The following OTOGL variants were observed in gnomAD, a reference collection of about 807,000 sequenced individuals.
OTOGL encodes the protein otogelin-like protein.
Under a neutral mutation model 318.5 loss-of-function variants are expected in OTOGL, and 285 were observed. That is an observed-to-expected ratio of 0.89 (90% CI 0.81 to 0.99). The LOEUF is 0.99. OTOGL is among the 50% of genes least tolerant of loss of function. The pLI is 0.00. For missense variants in OTOGL, 2,899 were observed against 2,845.6 expected (o/e 1.02, Z -0.43); for synonymous variants, 987 against 936.5 (o/e 1.05, Z -0.99).
Position 80,283,983 on chromosome 12 carries a change from TC to T in OTOGL, c.2928+4823del, listed in dbSNP as rs138724847. On this transcript the variant is annotated intron_variant, in intron 26 of 58. Coordinates refer to ENST00000547103, the MANE Select transcript of OTOGL (RefSeq NM_001378609.3). ...CATCAACCTGTCATCTAGGTTTTAA[TC>T]CCCCCACACATTAGGTATTTGTCCT... Among the ~76,000 whole-genome samples the T allele has an allele frequency of 1.7e-4, 26 of 151,886 alleles. 1 individual carries two copies. In the South Asian group the frequency reaches 5.4e-3, roughly 32 times the overall value.
intron 1 of OTOGL, among the ~76,000 whole-genome samples, chr12:80,141,184 G>C (rs1021296102): frequency 1.3e-5 from 2 of 152,032 alleles, no homozygotes; most frequent in East Asian, 3.9e-4. Flanking sequence ...AAAGTAGGGT[G>C]GTGGTTTCAA....
At chr12:80,236,347 G>C (rs990204516) in intron 9 of OTOGL, among the ~76,000 whole-genome samples, 2 of 152,080 alleles carry the variant, frequency 1.3e-5, no homozygotes, top group African/African-American at 2.4e-5. Flanking sequence ...ACTCTACTTA[G>C]AGCATATTTT....
chr12:80,137,388 A>G (rs1159269475), intron 1 of OTOGL, among the ~76,000 whole-genome samples: 1 of 152,150 alleles, frequency 6.6e-6, no homozygotes, highest in Non-Finnish European at 1.5e-5. Context: ...AGACATTGGT[A>G]TGGTGTTTCA....
At chr12:80,325,868 ACTT>A (rs1887647131) in intron 35 of OTOGL, among the ~76,000 whole-genome samples, 1 of 152,118 alleles carries the variant, frequency 6.6e-6, no homozygotes, top group Non-Finnish European at 1.5e-5. Flanking sequence ...CTAGTTTATG[ACTT>A]CTTATGGGAT....
chr12:80,185,538 C>T (rs1875229259), intron 1 of OTOGL, among the ~76,000 whole-genome samples: 1 of 152,198 alleles, frequency 6.6e-6, no homozygotes, highest in East Asian at 1.9e-4. Context: ...ACCCACTCAC[C>T]TTGGCCTCCG....
intron 29 of OTOGL, among the ~76,000 whole-genome samples, chr12:80,307,866 G>T (rs1412830948): frequency 7.1e-6 from 1 of 141,780 alleles, no homozygotes; most frequent in Non-Finnish European, 1.5e-5. Context: ...CCGGGCGGGG[G>T]GCTGACCCCC....
intron 58 of OTOGL, 58 bp from the exon 59 acceptor site, chr12:80,377,790 A>G: frequency 7.6e-7 from 1 of 1,320,514 alleles, no homozygotes. Flanking sequence ...GTGGAATCAA[A>G]TAATAACCAG....
intron 7 of OTOGL, among the ~76,000 whole-genome samples, chr12:80,225,815 G>A (rs1307193552): frequency 6.6e-6 from 1 of 151,844 alleles, no homozygotes; most frequent in Non-Finnish European, 1.5e-5. Flanking sequence ...TTTTAAAATA[G>A]AATTTCAAAG....
chr12:80,254,460 T>A, intron 14 of OTOGL, 64 bp from the exon 15 acceptor site: 1 of 1,355,866 alleles, frequency 7.4e-7, no homozygotes, highest in Non-Finnish European at 1.0e-6. Context: ...AATCAATACA[T>A]TGATGCAAAC....
rs1362911764 is a variant in OTOGL at position 80,261,985 on chromosome 12, A to G, written c.1906A>G (p.Ile636Val). The G allele has an allele frequency of 2.5e-6, 4 of 1,612,316 alleles. No individual in the cohort carries two copies. The East Asian group carries it at 8.9e-5, about 36-fold the overall frequency. The change falls in exon 19 of 59, where the codon ATA becomes GTA. Residue 636 changes from isoleucine (I) to valine (V), a missense_variant. Transcript: ENST00000547103. ...GCTTTCTAGTTCTCCATCAGGCATG[A>G]TAGAAGGTACACCACAACTTCACGC... ...RDDFLSPSGMIEGTPQLHANA... is the reference protein window; with the variant it reads ...RDDFLSPSGMVEGTPQLHANA...
At chr12:80,295,157 CTTTTTTTTTTTTTT>C (rs66786755) in intron 26 of OTOGL, among the ~76,000 whole-genome samples, 1 of 98,940 alleles carries the variant, frequency 1.0e-5, no homozygotes, top group African/African-American at 4.9e-5. Context: ...GATTGCCGAA[CTTTTTTTTTTTTTT>C]TTTTTTTTTT....
At chr12:80,365,410 G>A (rs578179483) in intron 52 of OTOGL, among the ~76,000 whole-genome samples, 19 of 152,016 alleles carry the variant, frequency 1.2e-4, no homozygotes, top group South Asian at 4.1e-4. Context: ...AATTGAATAC[G>A]TGGATAAGAT....
chr12:80,351,217 T>C (rs1889522605), intron 44 of OTOGL, among the ~76,000 whole-genome samples: 1 of 152,208 alleles, frequency 6.6e-6, no homozygotes, highest in Non-Finnish European at 1.5e-5. Context: ...TGGCTGGCTG[T>C]AAATGTGTGG....
At chr12:80,324,710 T>C (rs930177305) in intron 35 of OTOGL, among the ~76,000 whole-genome samples, 1 of 152,198 alleles carries the variant, frequency 6.6e-6, no homozygotes, top group African/African-American at 2.4e-5. Context: ...CGAGAGGTTA[T>C]GAGGAACAAA....
chr12:80,375,951 G>A (rs1891155462), intron 57 of OTOGL, among the ~76,000 whole-genome samples: 1 of 152,044 alleles, frequency 6.6e-6, no homozygotes, highest in African/African-American at 2.4e-5. Context: ...GGAGCCATGA[G>A]TGAGATAGGA....
chr12:80,132,684 A>T (rs1024085484), intron 1 of OTOGL: 4 of 152,234 alleles, frequency 2.6e-5, no homozygotes, highest in African/African-American at 9.6e-5. Flanking sequence ...GAATCTGCCC[A>T]GGTAATCAAG....
At chr12:80,219,535 A>G (rs924062860) in intron 5 of OTOGL, among the ~76,000 whole-genome samples, 5 of 152,182 alleles carry the variant, frequency 3.3e-5, no homozygotes, top group East Asian at 3.9e-4. Context: ...GATTCCTTAC[A>G]TGGGAACTTG....
intron 4 of OTOGL, among the ~76,000 whole-genome samples, chr12:80,216,959 A>G (rs1877785728): frequency 6.6e-6 from 1 of 152,038 alleles, no homozygotes; most frequent in Non-Finnish European, 1.5e-5. Flanking sequence ...ATAATAAAAG[A>G]AAAGAAAAAG....
intron 43 of OTOGL, 74 bp downstream of exon 43, chr12:80,339,338 C>A: frequency 8.5e-7 from 1 of 1,171,596 alleles, no homozygotes; most frequent in Non-Finnish European, 1.1e-6. Context: ...TCACGCTATG[C>A]CATTTTGGAC....
Sources: gnomAD v4.1 joint callset for allele counts (sites outside exome capture counted in the v4.1 genomes callset) on GRCh38, gnomAD v4.1.1 for gene constraint, MANE v1.5 for transcripts, NCBI Gene and HGNC (gene_info 2026-07-23, HGNC 2026-07-21) for gene names.